Variants in MYO10 observed in about 807,000 individuals in gnomAD.
MYO10 encodes the protein myosin X, also known as unconventional myosin-X.
A neutral mutation model predicts 257.3 loss-of-function variants in MYO10; 133 were observed. That is an observed-to-expected ratio of 0.52 (90% CI 0.45 to 0.60). The LOEUF (loss-of-function observed/expected upper bound fraction) is 0.60. Among genes scored for constraint, MYO10 ranks in the 20% least tolerant of loss-of-function variants. The pLI is 0.00. For synonymous variants in MYO10, 1,104 were observed against 1,028.6 expected, an observed-to-expected ratio of 1.07 and a Z score of -1.40; for missense variants, 2,399 against 2,635.7, an observed-to-expected ratio of 0.91 and a Z score of 1.97.
rs1745961910 is a variant in MYO10, at chr5:16,920,935, T to C, written c.21+14853A>G. ...GAGTTCCAGACCAGCCTGACCAACA[T>C]GGTGAAAGCCCATCTCTACTAAAAT... is the stretch of plus-strand genomic sequence containing the variant. On this transcript the variant is annotated intron_variant, in intron 1 of 40. Transcript: ENST00000513610. 2.0e-5 allele frequency among the ~76,000 whole-genome samples: 3 copies of C among 151,976 alleles called. No individual in the cohort carries two copies. In the South Asian group the frequency reaches 6.3e-4, roughly 32 times the overall value.
chr5:16,800,268 A>T (rs1022444173), intron 3 of MYO10, among the ~76,000 whole-genome samples: 1 of 152,190 alleles, frequency 6.6e-6, no homozygotes, highest in African/African-American at 2.4e-5. Flanking sequence ...CAATAAATTT[A>T]AAATCCCGGC....
intron 19 of MYO10, among the ~76,000 whole-genome samples, chr5:16,721,789 G>A: frequency 6.6e-6 from 1 of 152,140 alleles, no homozygotes; most frequent in Non-Finnish European, 1.5e-5. Context: ...ACTACCTAAT[G>A]GGAAAGAAAA....
intron 29 of MYO10, among the ~76,000 whole-genome samples, chr5:16,684,672 A>G (rs1442058562): frequency 6.6e-6 from 1 of 152,130 alleles, no homozygotes; most frequent in African/African-American, 2.4e-5. Flanking sequence ...TTATTTCAAG[A>G]TTTTCTGATG....
chr5:16,796,476 A>AG, intron 3 of MYO10, among the ~76,000 whole-genome samples: 2 of 49,808 alleles, frequency 4.0e-5, no homozygotes, highest in South Asian at 6.6e-4. Context: ...AAGAAAAGAA[A>AG]AGAAAAGAAA....
At chr5:16,677,164 A>G (rs1013578441) in intron 33 of MYO10, among the ~76,000 whole-genome samples, 1 of 152,194 alleles carries the variant, frequency 6.6e-6, no homozygotes, top group Admixed American at 6.5e-5. Flanking sequence ...TAAACAGAAA[A>G]GTTGGAGGAG....
chr5:16,681,385 C>G lies in MYO10; in HGVS notation c.4308G>C (p.Ala1436=), dbSNP rs775759246. ...TGAGGACCAGGGTCCCCAGTTTGAG[C>G]GCGTTCTTCTCTGAACTCTTGTAGT... ...LDYYKSSEKN[A]LKLGTLVLNS... is the part of the protein sequence containing the mutation. The change falls in exon 32 of 41, where the codon GCG becomes GCC. Residue 1436 remains alanine, a synonymous_variant. Coordinates refer to ENST00000513610, the MANE Select transcript of MYO10 (RefSeq NM_012334.3). The G allele has an allele frequency of 2.5e-6, 4 of 1,613,990 alleles. No homozygotes were observed. The East Asian group carries it at 6.7e-5, about 27-fold the overall frequency.
At chr5:16,698,412 G>A (rs571845124) in intron 26 of MYO10, among the ~76,000 whole-genome samples, 3 of 152,220 alleles carry the variant, frequency 2.0e-5, no homozygotes, top group African/African-American at 7.2e-5. Flanking sequence ...TTTTCCAAAA[G>A]GAGTGTGCCT....
intron 3 of MYO10, among the ~76,000 whole-genome samples, chr5:16,817,744 G>A (rs773293108): frequency 6.6e-6 from 1 of 152,134 alleles, no homozygotes. Flanking sequence ...ACAACACAGC[G>A]TATTCACAAG....
intron 19 of MYO10, among the ~76,000 whole-genome samples, chr5:16,718,905 G>C (rs930084250): frequency 3.3e-5 from 5 of 152,190 alleles, no homozygotes; most frequent in African/African-American, 1.2e-4. Flanking sequence ...ATCTAGCTCA[G>C]GGATTGTAAA....
At chr5:16,790,118 G>A (rs149694297) in intron 4 of MYO10, among the ~76,000 whole-genome samples, 1,919 of 151,878 alleles carry the variant, frequency 0.013, 19 homozygotes, top group Non-Finnish European at 0.017. Flanking sequence ...ACCTCTAAAT[G>A]TATTTCTAGA....
intron 1 of MYO10, among the ~76,000 whole-genome samples, chr5:16,886,788 T>C (rs1229765665): frequency 6.6e-6 from 1 of 151,910 alleles, no homozygotes; most frequent in Non-Finnish European, 1.5e-5. Flanking sequence ...CAAAATTAGC[T>C]GGATGTGGTG....
intron 4 of MYO10, among the ~76,000 whole-genome samples, chr5:16,790,471 C>G (rs152706): frequency 6.6e-6 from 1 of 151,944 alleles, no homozygotes; most frequent in South Asian, 2.1e-4. Context: ...GTGGGAGGGA[C>G]CTGGTGGGAG....
At position 16,762,081 on chromosome 5, in the gene MYO10, T is replaced by C. The variant is rs774305900; in HGVS notation, c.1620A>G (p.Ala540=). The C allele has an allele frequency of 7.1e-7, 1 of 1,412,916 alleles. No homozygotes were observed. The highest frequency in any genetic ancestry group is 1.7e-5 in the African/African-American group (1 of 60,448). The allele number at this position is 1,412,916 out of a possible 1,614,324, so 87.5% of individuals were successfully genotyped here. A position where few individuals can be genotyped will look rare whatever the true frequency, so the allele number is the denominator to read the frequency against. Reference sequence around the variant, plus strand: ...AGTGCTTCACTCCAAAATTGTTAACTGCAACTCTGGGCTTCACATAAAAGT... The same window carrying C: ...AGTGCTTCACTCCAAAATTGTTAACCGCAACTCTGGGCTTCACATAAAAGT... The part of the protein sequence containing the change: ...NNHFYVKPRV[A]VNNFGVKHYA... The change falls in exon 16 of 41, where the codon GCA becomes GCG. Residue 540 remains alanine (A), a synonymous_variant. Coordinates refer to ENST00000513610, the MANE Select transcript of MYO10 (RefSeq NM_012334.3).
intron 2 of MYO10, among the ~76,000 whole-genome samples, chr5:16,832,279 T>C (rs1743184791): frequency 1.3e-5 from 2 of 152,242 alleles, no homozygotes; most frequent in Non-Finnish European, 2.9e-5. Context: ...ACTCTTTCCC[T>C]GTTTTCTAAA....
intron 1 of MYO10, among the ~76,000 whole-genome samples, chr5:16,895,994 G>A (rs76577732): frequency 0.01 from 1,542 of 152,266 alleles, 9 homozygotes; most frequent in Middle Eastern, 0.02. Flanking sequence ...GACTGCAGAC[G>A]ACAGCCCCAG....
chr5:16,724,401 A>G (rs949200392), intron 19 of MYO10, among the ~76,000 whole-genome samples: 68 of 152,170 alleles, frequency 4.5e-4, no homozygotes, highest in Admixed American at 2.6e-4. Context: ...AACAAAACCC[A>G]TTCTGTCCAA....
chr5:16,898,413 C>CTT (rs34185618), intron 1 of MYO10, among the ~76,000 whole-genome samples: 16,806 of 136,838 alleles, frequency 0.12, 1,241 homozygotes, highest in East Asian at 0.31. Flanking sequence ...ATTTCTTTCT[C>CTT]TTTTTTTTTT....
intron 18 of MYO10, among the ~76,000 whole-genome samples, chr5:16,755,379 A>G (rs1173864559): frequency 2.0e-5 from 3 of 152,132 alleles, no homozygotes; most frequent in Non-Finnish European, 4.4e-5. Context: ...GTTAGCCAGG[A>G]TGGTCTCGAT....
At chr5:16,699,674 C>T (rs1311580720) in intron 25 of MYO10, 101 bp from the exon 26 acceptor site, 1 of 1,504,518 alleles carries the variant, frequency 6.6e-7, no homozygotes, top group Non-Finnish European at 9.1e-7. Context: ...AAAAATACAG[C>T]TACTCAAGAG....
Sources: allele counts gnomAD v4.1 joint callset (sites outside exome capture counted in the v4.1 genomes callset), GRCh38; gene constraint gnomAD v4.1.1; transcripts MANE v1.5; gene names NCBI Gene and HGNC (gene_info 2026-07-23, HGNC 2026-07-21).